SMTN: variants seen among roughly 807,000 people sequenced by gnomAD.
SMTN encodes the protein smoothelin.
SMTN carries 58 observed loss-of-function variants against 102.0 expected under a neutral mutation model. The ratio of observed to expected loss-of-function variants is 0.57; its 90% CI spans 0.46 to 0.71. The LOEUF (loss-of-function observed/expected upper bound fraction) is 0.71, where lower values mean the gene tolerates loss of function less well. SMTN is among the 30% of genes least tolerant of loss of function. The pLI is 0.00. For synonymous variants in SMTN, 478 were observed against 497.9 expected (o/e 0.96, Z 0.53); for missense variants, 1,185 against 1,241.7 (o/e 0.95, Z 0.69).
In SMTN at chr22:31,095,896, T is replaced by G; in HGVS notation, c.1861+287T>G. 12 of 467,254 alleles carry G rather than the reference T, an allele frequency of 2.6e-5. No individual in the cohort carries two copies. The highest frequency in any genetic ancestry group is 4.1e-5 in the East Asian group (1 of 24,200). The allele number at this position is 467,254 out of a possible 1,614,324, so 28.9% of individuals were successfully genotyped here. ...CAGCTACTCTCTCCTTGGATCCAGT[T>G]GCCTCTCAAAGTACTGTCAACGACT... is the stretch of plus-strand genomic sequence containing the variant. On this transcript the variant is annotated intron_variant, in intron 13 of 20. Coordinates refer to ENST00000333137, the MANE Select transcript of SMTN (RefSeq NM_134269.3). This position sits in a 1 kb window ranked among gnomAD's most constrained non-coding sequence, Gnocchi z 4.1.
chr22:31,073,865 A>G (rs1268770467), intron 1 of SMTN, among the ~76,000 whole-genome samples: 2 of 152,182 alleles, frequency 1.3e-5, no homozygotes, highest in Non-Finnish European at 2.9e-5. Context: ...GGGCTTACTC[A>G]TGTATCTGTG....
At chr22:31,084,967 C>G in intron 2 of SMTN, 1 of 1,448,070 alleles carries the variant, frequency 6.9e-7, no homozygotes, top group African/African-American at 1.4e-5. Context: ...TAAGGAAAAG[C>G]TAGGCCCGCT....
chr22:31,101,105 GCCAGAGAGGGT>G, intron 20 of SMTN, 56 bp downstream of exon 20: 1 of 1,503,062 alleles, frequency 6.7e-7, no homozygotes, highest in Non-Finnish European at 9.0e-7. Context: ...GCTCAGCAAG[GCCAGAGAGGGT>G]CCAGGGAGGC....
At chr22:31,098,633 C>A in intron 16 of SMTN, 34 bp from the exon 17 acceptor site, 1 of 1,606,978 alleles carries the variant, frequency 6.2e-7, no homozygotes, top group Non-Finnish European at 8.5e-7. Context: ...CAGCCCTGCT[C>A]TCCCTGCCTA....
upstream of SMTN, among the ~76,000 whole-genome samples, chr22:31,078,516 G>A (rs2042183138): frequency 6.6e-6 from 1 of 152,232 alleles, no homozygotes; most frequent in East Asian, 1.9e-4. Flanking sequence ...GGGGCAGGCT[G>A]AGGCCCAGGC....
rs767841764 is a variant in SMTN, at chr22:31,091,403, A to G, written c.1380A>G (p.Thr460=). The stretch of plus-strand genomic sequence containing the variant: ...AGCCAGGGGGCAGTATGAAGACCAC[A>G]TTCACCATCGAGATCAAGGACGGCC... ...TAEPGGSMKT[T]FTIEIKDGRG... Residue 460 remains threonine, a synonymous_variant, in exon 10 of 21, where the codon ACA becomes ACG. Coordinates refer to ENST00000333137, the MANE Select transcript of SMTN (RefSeq NM_134269.3). 1.3e-6 allele frequency: 2 copies of G among 1,580,098 alleles called. No individual in the cohort carries two copies. The highest frequency in any genetic ancestry group is 1.7e-6 in the Non-Finnish European group (2 of 1,168,262).
At chr22:31,081,816 G>T (rs943759588) in intron 1 of SMTN, among the ~76,000 whole-genome samples, 2 of 152,182 alleles carry the variant, frequency 1.3e-5, no homozygotes, top group African/African-American at 2.4e-5. Flanking sequence ...TTAGGCATTA[G>T]GGTCAGCTGC....
chr22:31,099,100 C>T lies in SMTN; in HGVS notation c.2372C>T (p.Thr791Ile), dbSNP rs774981514. 4 of 1,613,208 alleles carry T rather than the reference C, an allele frequency of 2.5e-6. No homozygotes were observed. In the East Asian group the frequency reaches 6.7e-5, roughly 27 times the overall value. Residue 791 changes from threonine (T) to isoleucine (I), a missense_variant, in exon 18 of 21, where the codon ACC becomes ATC. By Grantham distance (89) the Thr-to-Ile change is moderately conservative. Around this residue, in one of 2 missense-constraint regions of SMTN, gnomAD observed 1,096 missense variants for 1,112.7 expected, o/e 0.98. Coordinates refer to ENST00000333137, the MANE Select transcript of SMTN (RefSeq NM_134269.3). ...GGPRAAVQRS[T>I]SFGVPNANSI... ...CCCCGCGCAGCCGTGCAGCGATCCA[C>T]CAGCTTCGGGGTCCCCAACGCCAAC...
intron 18 of SMTN, 170 bp from the exon 19 acceptor site, chr22:31,099,575 G>A: frequency 1.4e-6 from 1 of 694,552 alleles, no homozygotes; most frequent in Non-Finnish European, 2.4e-6. Flanking sequence ...AAATATGGGA[G>A]TTGACAGGCT....
chr22:31,099,301 T>C lies in SMTN; in HGVS notation c.2451+122T>C, dbSNP rs921429671. On this transcript the variant is annotated intron_variant, in intron 18 of 20. Transcript: ENST00000333137. The stretch of plus-strand genomic sequence containing the variant: ...CCACTGTGTGGCCTCACAGGGAACA[T>C]GGAAAGGCTCTTGGGGTGAGGAAAC... 20 of 669,142 alleles carry C rather than the reference T, an allele frequency of 3.0e-5. No homozygotes were observed. In the African/African-American group the frequency reaches 3.1e-4, roughly 10 times the overall value. 41.5% of individuals were successfully genotyped at this position (669,142 alleles called of 1,614,324 possible). A position where few individuals can be genotyped will look rare whatever the true frequency, so the allele number is the denominator to read the frequency against.
chr22:31,096,823 C>G lies in SMTN; in HGVS notation c.1952C>G (p.Thr651Arg), dbSNP rs144078657. ...GRGNTATETT[T>R]RHSQRAADGS... Reference sequence around the variant, plus strand: ...GGCAACACAGCCACTGAGACCACCACGAGGCACAGCCAGCGGGCAGCTGAT... The same window carrying G: ...GGCAACACAGCCACTGAGACCACCAGGAGGCACAGCCAGCGGGCAGCTGAT... The change falls in exon 14 of 21, where the codon ACG (threonine) becomes AGG (arginine). Residue 651 changes from threonine (T) to arginine (R), a missense_variant. Thr to Arg is a moderately conservative substitution (Grantham distance 71). Coordinates refer to ENST00000333137, the MANE Select transcript of SMTN (RefSeq NM_134269.3). The G allele has an allele frequency of 5.7e-6, 9 of 1,574,416 alleles. No homozygotes were observed. The highest frequency in any genetic ancestry group is 7.8e-6 in the Non-Finnish European group (9 of 1,158,374).
chr22:31,090,255 T>C (rs1719902765), intron 8 of SMTN, 75 bp downstream of exon 8: 5 of 1,247,504 alleles, frequency 4.0e-6, no homozygotes, highest in Non-Finnish European at 1.1e-6. Context: ...GCCTAGAAAA[T>C]GGGCTCTTGT....
intron 1 of SMTN, chr22:31,082,663 C>T (rs558527740): frequency 6.4e-6 from 4 of 625,492 alleles, no homozygotes; most frequent in East Asian, 3.1e-5. Context: ...CTCCAAGAAT[C>T]GGAAGACACA....
chr22:31,097,973 G>C (rs1262203553), intron 16 of SMTN, among the ~76,000 whole-genome samples: 1 of 152,170 alleles, frequency 6.6e-6, no homozygotes, highest in Non-Finnish European at 1.5e-5. Context: ...ACCACACTGA[G>C]CTGCCTGGTG....
chr22:31,085,281 C>A (rs892395697), intron 2 of SMTN: 3 of 1,504,200 alleles, frequency 2.0e-6, no homozygotes, highest in Non-Finnish European at 8.9e-7. Context: ...CGGCGCCTAG[C>A]GCGAGGCAGG....
intron 1 of SMTN, chr22:31,065,444 G>C (rs2041823889): frequency 6.6e-6 from 1 of 152,010 alleles, no homozygotes; most frequent in Admixed American, 6.6e-5. Flanking sequence ...TGCCTCTTGG[G>C]TTCAAGCGAT....
At chr22:31,082,766 G>GT (rs2042396129) in intron 1 of SMTN, 1 of 1,182,296 alleles carries the variant, frequency 8.5e-7, no homozygotes, top group Non-Finnish European at 1.2e-6. Context: ...TGCGGAGTGG[G>GT]TGGGGGCTGG....
chr22:31,091,768 T>G lies in SMTN; in HGVS notation c.1553T>G (p.Leu518Arg). 1 of 1,611,344 alleles carries G rather than the reference T, an allele frequency of 6.2e-7. No individual in the cohort carries two copies. Among genetic ancestry groups the G allele is most frequent in the Non-Finnish European group, 8.5e-7 (1 of 1,178,742 alleles). The change falls in exon 11 of 21, where the codon CTG (leucine) becomes CGG (arginine). Residue 518 changes from leucine (L) to arginine (R), a missense_variant. Around this residue, in one of 2 missense-constraint regions of SMTN, gnomAD observed 1,096 missense variants for 1,112.7 expected, o/e 0.98. Coordinates refer to ENST00000333137, the MANE Select transcript of SMTN (RefSeq NM_134269.3). ...ACCCGTGTCAACAGCCCTGGGACCC[T>G]GGCTCGGCTGGGCAGTGTCACTCAT... ...TITRVNSPGTLARLGSVTHVT... is the reference protein window; with the variant it reads ...TITRVNSPGTRARLGSVTHVT...
intron 19 of SMTN, 30 bp from the exon 20 acceptor site, chr22:31,100,855 C>CCCCCAA: frequency 9.2e-7 from 1 of 1,091,708 alleles, no homozygotes; most frequent in Non-Finnish European, 1.3e-6. Flanking sequence ...CCCCGTCCCC[C>CCCCCAA]ACCCCTTCCC....
Sources: gnomAD v4.1 joint callset for allele counts (sites outside exome capture counted in the v4.1 genomes callset) on GRCh38, gnomAD v4.1.1 for gene constraint, gnomAD v4.1.1 regional missense constraint, Gnocchi (gnomAD v3.1) non-coding constraint, MANE v1.5 for transcripts, NCBI Gene and HGNC (gene_info 2026-07-23, HGNC 2026-07-21) for gene names.